Variants in TTC34 observed in about 807,000 individuals in gnomAD.
TTC34 encodes the protein tetratricopeptide repeat domain 34.
Under a neutral mutation model 40.7 loss-of-function variants are expected in TTC34, and 44 were observed. The ratio of observed to expected loss-of-function variants is 1.08; its 90% CI spans 0.85 to 1.39. TTC34 has a LOEUF of 1.39. Ranked by LOEUF, TTC34 falls within the 40% of genes most tolerant of loss-of-function variation. The pLI, the probability that TTC34 is intolerant of heterozygous loss-of-function variation, is 0.00. For missense variants in TTC34, 884 were observed against 838.0 expected (o/e 1.05, Z -0.68); for synonymous variants, 422 against 398.6 (o/e 1.06, Z -0.70).
At chr1:2,687,366 C>A (rs1168206946) in intron 6 of TTC34, among the ~76,000 whole-genome samples, 7 of 150,648 alleles carry the variant, frequency 4.6e-5, no homozygotes, top group Non-Finnish European at 1.0e-4. Context: ...GCACCCCCAC[C>A]CCCAGGCGAG....
At chr1:2,750,606 C>A (rs1377140000) in intron 6 of TTC34, among the ~76,000 whole-genome samples, 47 of 1,710 alleles carry the variant, frequency 0.027, no homozygotes, top group Admixed American at 0.049. Context: ...CACCCCACAC[C>A]CACAGGTGAG....
At chr1:2,675,229 C>T (rs1264619862) in intron 6 of TTC34, among the ~76,000 whole-genome samples, 27 of 148,674 alleles carry the variant, frequency 1.8e-4, no homozygotes, top group African/African-American at 6.5e-4. Context: ...GAGCCTGGAA[C>T]AGCACCCACA....
chr1:2,751,588 G>T (rs1184697909), intron 6 of TTC34, among the ~76,000 whole-genome samples: 5 of 90,540 alleles, frequency 5.5e-5, no homozygotes, highest in East Asian at 4.4e-4. Context: ...GCACGTGACA[G>T]CCTGCAACAG....
At chr1:2,686,642 A>G (rs61763551) in intron 6 of TTC34, among the ~76,000 whole-genome samples, 1 of 35,762 alleles carries the variant, frequency 2.8e-5, no homozygotes, top group African/African-American at 1.2e-4. Flanking sequence ...GCACCCACAC[A>G]CCCAGGTGAG....
chr1:2,688,466 G>A (rs1289004521), intron 6 of TTC34, among the ~76,000 whole-genome samples: 3 of 138,154 alleles, frequency 2.2e-5, no homozygotes, highest in African/African-American at 3.1e-5. Context: ...GTGAACATCC[G>A]ACATTGTGGA....
intron 5 of TTC34, 146 bp from the exon 6 acceptor site, chr1:2,783,921 A>T: frequency 1.3e-6 from 1 of 748,016 alleles, no homozygotes; most frequent in East Asian, 3.2e-5. Flanking sequence ...ACCAAGACAG[A>T]CAGAGACAGG....
intron 2 of TTC34, among the ~76,000 whole-genome samples, chr1:2,791,242 G>T (rs975917107): frequency 2.0e-5 from 3 of 152,186 alleles, no homozygotes; most frequent in African/African-American, 7.2e-5. Flanking sequence ...GGGTGCACAG[G>T]CCACTGGGAG....
intron 2 of TTC34, among the ~76,000 whole-genome samples, chr1:2,794,897 T>G (rs953839932): frequency 1.3e-5 from 2 of 152,220 alleles, no homozygotes; most frequent in Non-Finnish European, 2.9e-5. Context: ...TATATAATTC[T>G]GGAAACATAA....
At chr1:2,642,220 G>A (rs539592319) in intron 8 of TTC34, among the ~76,000 whole-genome samples, 7 of 152,292 alleles carry the variant, frequency 4.6e-5, no homozygotes, top group Non-Finnish European at 8.8e-5. Context: ...TCAGGGACCT[G>A]GATTTACCTC....
At chr1:2,656,011 A>T (rs1398958338) in intron 6 of TTC34, among the ~76,000 whole-genome samples, 560 of 104,554 alleles carry the variant, frequency 5.4e-3, no homozygotes, top group African/African-American at 0.022. Flanking sequence ...AGCAGCACCC[A>T]CACCTCCCGG....
In TTC34 at chr1:2,780,796, CATT is replaced by C. The variant is rs1405788410; in HGVS notation, c.2226+2810_2226+2812del. Among the ~76,000 whole-genome samples the C allele has an allele frequency of 4.6e-5, 7 of 152,284 alleles. No individual in the cohort carries two copies. The South Asian group carries it at 1.5e-3, about 32-fold the overall frequency. On this transcript the variant is annotated intron_variant, in intron 6 of 8. Transcript: ENST00000401095. Reference sequence around the variant, plus strand: ...TTAGCTTTTCTACTTCTGTAAAAAACATTATTGAGATTTTGACAGAGATTGCAT... The same window carrying C: ...TTAGCTTTTCTACTTCTGTAAAAAACATTGAGATTTTGACAGAGATTGCAT...
intron 6 of TTC34, among the ~76,000 whole-genome samples, chr1:2,780,947 T>C (rs1282303148): frequency 6.6e-6 from 1 of 152,244 alleles, no homozygotes; most frequent in East Asian, 1.9e-4. Flanking sequence ...CAATGTTTTA[T>C]AGTTTTCATT....
chr1:2,645,430 C>T lies in TTC34; in HGVS notation c.2360G>A (p.Ser787Asn), dbSNP rs1416159753. The change falls in exon 7 of 9, where the codon AGC becomes AAC. Residue 787 changes from serine to asparagine, a missense_variant. Transcript: ENST00000401095. This position sits in a 1 kb window ranked among gnomAD's most constrained non-coding sequence, Gnocchi z 4.7. ...AGGGGCCCCAGTGTCTGGCAGCTGG[C>T]TCAGAAGGGCCCGGCAGTGGGAGTA... 4 of 1,535,792 alleles carry T rather than the reference C, an allele frequency of 2.6e-6. No homozygotes were observed. In the Admixed American group the frequency reaches 7.8e-5, roughly 30 times the overall value.
In TTC34 at chr1:2,759,707, C is replaced by G. The variant is rs1422878506; in HGVS notation, c.2226+23902G>C. On this transcript the variant is annotated intron_variant, in intron 6 of 8. Transcript: ENST00000401095. The stretch of plus-strand genomic sequence containing the variant: ...CAGGCTTGCATCCGACAGCCTGGAG[C>G]AGGACCCACACCCCGAGGTGAACAT... 4.5e-5 allele frequency among the ~76,000 whole-genome samples: 5 copies of G among 110,976 alleles called. 2 individuals carry two copies. The East Asian group carries it at 1.3e-3, about 30-fold the overall frequency. The allele number at this position is 110,976 out of a possible 152,430, so 72.8% of individuals were successfully genotyped here. A position where few individuals can be genotyped will look rare whatever the true frequency, so the allele number is the denominator to read the frequency against.
chr1:2,788,652 C>T (rs1317284539), intron 3 of TTC34, among the ~76,000 whole-genome samples: 8 of 152,130 alleles, frequency 5.3e-5, no homozygotes, highest in Non-Finnish European at 8.8e-5. Flanking sequence ...GGGGGATGGG[C>T]GGTGGCCAGA....
intron 6 of TTC34, among the ~76,000 whole-genome samples, chr1:2,682,078 C>A (rs1640105780): frequency 7.5e-6 from 1 of 132,998 alleles, no homozygotes; most frequent in African/African-American, 2.9e-5. Flanking sequence ...CACAGGTGAG[C>A]ATCTGACAGC....
intron 4 of TTC34, 108 bp downstream of exon 4, chr1:2,787,373 C>T: frequency 1.9e-6 from 2 of 1,075,738 alleles, no homozygotes; most frequent in Non-Finnish European, 2.5e-6. Context: ...GTCGCCTGGT[C>T]CAAAGCCCAG....
At chr1:2,751,651 C>T (rs1409819266) in intron 6 of TTC34, among the ~76,000 whole-genome samples, 4 of 77,910 alleles carry the variant, frequency 5.1e-5, no homozygotes, top group Admixed American at 1.4e-4. Flanking sequence ...CCCACACCCC[C>T]AGTTGAGCAT....
chr1:2,764,396 C>G (rs1478618180), intron 6 of TTC34, among the ~76,000 whole-genome samples: 1 of 147,938 alleles, frequency 6.8e-6, no homozygotes, highest in Non-Finnish European at 1.5e-5. Flanking sequence ...GGGCGAGCAT[C>G]TGACAGCCTG....
Sources: gnomAD v4.1 joint callset for allele counts (sites outside exome capture counted in the v4.1 genomes callset) on GRCh38, gnomAD v4.1.1 for gene constraint, Gnocchi (gnomAD v3.1) non-coding constraint, MANE v1.5 for transcripts, NCBI Gene and HGNC (gene_info 2026-07-23, HGNC 2026-07-21) for gene names.